The following GALNT11 variants were observed in gnomAD, a reference collection of about 807,000 sequenced individuals.
GALNT11 encodes the protein UDP-GalNAc:polypeptide N-acetylgalactosaminyltransferase 11.
In GALNT11, 47 loss-of-function variants were observed where a neutral mutation model predicts 72.7. That is an observed-to-expected ratio of 0.65 (90% CI 0.51 to 0.82). The LOEUF is 0.82. Ranked by LOEUF, GALNT11 falls within the 40% of genes least tolerant of loss-of-function variation. The pLI is 0.00. For synonymous variants in GALNT11, 270 were observed against 286.6 expected (o/e 0.94, Z 0.58); for missense variants, 677 against 778.4 (o/e 0.87, Z 1.55).
intron 6 of GALNT11, among the ~76,000 whole-genome samples, chr7:152,109,623 T>C (rs777336632): frequency 3.3e-5 from 5 of 152,220 alleles, no homozygotes; most frequent in Non-Finnish European, 7.3e-5. Flanking sequence ...GTGTATGTTG[T>C]TTCTCTCATT....
chr7:152,120,416 C>A, intron 10 of GALNT11: 1 of 183,718 alleles, frequency 5.4e-6, no homozygotes, highest in East Asian at 1.8e-4. Context: ...GTGATTCAGC[C>A]TGTGCACTTC....
intron 9 of GALNT11, 131 bp from the exon 10 acceptor site, chr7:152,118,547 C>T (rs1482255953): frequency 8.5e-6 from 6 of 704,836 alleles, no homozygotes; most frequent in Admixed American, 3.1e-5. Flanking sequence ...ATTAAAAATG[C>T]ATATATTTTT....
intron 5 of GALNT11, among the ~76,000 whole-genome samples, chr7:152,106,050 T>G (rs1478324914): frequency 6.6e-6 from 1 of 152,074 alleles, no homozygotes; most frequent in Non-Finnish European, 1.5e-5. Flanking sequence ...TATTTCGTTT[T>G]ATGGTTACCT....
chr7:152,030,107 G>T (rs991916890), intron 1 of GALNT11, among the ~76,000 whole-genome samples: 1 of 152,192 alleles, frequency 6.6e-6, no homozygotes, highest in African/African-American at 2.4e-5. Context: ...ACGAGAGAGT[G>T]TAGAAATAAA....
chr7:152,060,612 C>T (rs1180231627), intron 1 of GALNT11, among the ~76,000 whole-genome samples: 2 of 151,886 alleles, frequency 1.3e-5, no homozygotes, highest in Non-Finnish European at 2.9e-5. Flanking sequence ...TCTCCTAATG[C>T]TATCCCTCCC....
chr7:152,103,223 C>T lies in GALNT11; in HGVS notation c.531C>T (p.Arg177=). Residue 177 remains arginine, a synonymous_variant, in exon 4 of 12, where the codon CGC becomes CGT. Transcript: ENST00000430044. ...GGACAGTGCACAGTGTCATAGACCGCACGCCAGCACACCTGCTTCATGAGA... is the reference window on the plus strand; with the variant it reads ...GGACAGTGCACAGTGTCATAGACCGTACGCCAGCACACCTGCTTCATGAGA... ...LLRTVHSVID[R]TPAHLLHEII... 6.2e-7 allele frequency: 1 copy of T among 1,613,688 alleles called. No homozygotes were observed.
intron 10 of GALNT11, 181 bp downstream of exon 10, chr7:152,118,963 T>C: frequency 4.6e-6 from 2 of 430,474 alleles, no homozygotes; most frequent in Non-Finnish European, 8.0e-6. Context: ...ATCCTAGTGC[T>C]CAAGGTCACC....
intron 1 of GALNT11, among the ~76,000 whole-genome samples, chr7:152,043,625 G>A (rs1221504641): frequency 6.6e-6 from 1 of 152,162 alleles, no homozygotes; most frequent in Non-Finnish European, 1.5e-5. Context: ...ATAGAACTGA[G>A]AGCTGTTGCT....
At chr7:152,031,454 G>A (rs984078240) in intron 1 of GALNT11, among the ~76,000 whole-genome samples, 1 of 152,202 alleles carries the variant, frequency 6.6e-6, no homozygotes, top group African/African-American at 2.4e-5. Flanking sequence ...ATCTAAGTAG[G>A]TGGTTGTCTG....
chr7:152,100,457 T>G (rs1436206688), intron 2 of GALNT11, among the ~76,000 whole-genome samples: 4 of 151,700 alleles, frequency 2.6e-5, no homozygotes, highest in African/African-American at 9.7e-5. Flanking sequence ...TCCCAGCTAC[T>G]CGGGAGGCTG....
intron 2 of GALNT11, among the ~76,000 whole-genome samples, chr7:152,100,520 C>G (rs1023253176): frequency 2.0e-5 from 3 of 150,892 alleles, no homozygotes; most frequent in African/African-American, 4.9e-5. Context: ...GAGCCAAGAT[C>G]GTGCCACTGC....
chr7:152,105,136 A>G lies in GALNT11; in HGVS notation c.587-109A>G. 3 of 1,163,544 alleles carry G rather than the reference A, an allele frequency of 2.6e-6. No individual in the cohort carries two copies. In the African/African-American group the frequency reaches 4.6e-5, roughly 18 times the overall value. The allele number at this position is 1,163,544 out of a possible 1,614,324, so 72.1% of individuals were successfully genotyped here. A position where few individuals can be genotyped will look rare whatever the true frequency, so the allele number is the denominator to read the frequency against. ...TAAAATATTCTGTAGTATTTGCTTG[A>G]TAGTTTGTTGTAAATTTTAGCAAGT... On this transcript the variant is annotated intron_variant, in intron 4 of 11. Coordinates refer to ENST00000430044, the MANE Select transcript of GALNT11 (RefSeq NM_022087.4).
intron 1 of GALNT11, among the ~76,000 whole-genome samples, chr7:152,073,010 T>G (rs1250857009): frequency 2.0e-5 from 3 of 152,204 alleles, no homozygotes; most frequent in Non-Finnish European, 4.4e-5. Flanking sequence ...CAATATACAT[T>G]TTATTTTATT....
intron 1 of GALNT11, among the ~76,000 whole-genome samples, chr7:152,088,562 T>TA (rs1333706194): frequency 1.3e-5 from 2 of 151,974 alleles, no homozygotes; most frequent in East Asian, 3.9e-4. Flanking sequence ...AGATTGTCTT[T>TA]AATATTCTTT....
Position 152,100,858 on chromosome 7 carries a change from T to G in GALNT11, c.356T>G (p.Phe119Cys). ...LRDLGYQKHA[F>C]NMLISDRLGY... is the part of the protein sequence containing the mutation. ...GACTTGGGCTATCAGAAACATGCTT[T>G]TAATATGCTTATCAGTGACCGCTTG... The change falls in exon 3 of 12, where the codon TTT becomes TGT. Residue 119 changes from phenylalanine to cysteine, a missense_variant. Phe to Cys is a radical substitution (Grantham distance 205). Transcript: ENST00000430044. The G allele has an allele frequency of 1.2e-6, 2 of 1,614,130 alleles. No homozygotes were observed. The highest frequency in any genetic ancestry group is 1.7e-6 in the Non-Finnish European group (2 of 1,180,006).
intron 10 of GALNT11, 125 bp from the exon 11 acceptor site, chr7:152,120,706 T>A: frequency 1.3e-6 from 1 of 796,860 alleles, no homozygotes; most frequent in Admixed American, 2.4e-5. Flanking sequence ...TGCTTCCCTG[T>A]AAGTCTAGTG....
At chr7:152,100,954 T>C (rs775895140) in intron 3 of GALNT11, 33 bp downstream of exon 3, 2 of 1,609,986 alleles carry the variant, frequency 1.2e-6, no homozygotes, top group Non-Finnish European at 1.7e-6. Context: ...AAATACATTT[T>C]AACAACACGA....
At chr7:152,032,334 C>T (rs2082342003) in intron 1 of GALNT11, among the ~76,000 whole-genome samples, 1 of 152,072 alleles carries the variant, frequency 6.6e-6, no homozygotes, top group African/African-American at 2.4e-5. Context: ...TCATGGGAGT[C>T]ATAGTGCAGG....
chr7:152,115,085 C>G (rs2088696243), intron 8 of GALNT11, among the ~76,000 whole-genome samples: 1 of 152,180 alleles, frequency 6.6e-6, no homozygotes, highest in Non-Finnish European at 1.5e-5. Context: ...CCCTCCTTGA[C>G]CAGACTTTGA....
Sources: gnomAD v4.1 joint callset for allele counts (sites outside exome capture counted in the v4.1 genomes callset) on GRCh38, gnomAD v4.1.1 for gene constraint, MANE v1.5 for transcripts, NCBI Gene and HGNC (gene_info 2026-07-23, HGNC 2026-07-21) for gene names.